DIPK1A: variants seen among roughly 807,000 people sequenced by gnomAD.
DIPK1A encodes divergent protein kinase domain 1A, also known as family with sequence similarity 69 member A.
Under a neutral mutation model 40.8 loss-of-function variants are expected in DIPK1A, and 27 were observed. The observed-to-expected ratio is 0.66, with a 90% confidence interval of 0.49 to 0.91. The LOEUF (loss-of-function observed/expected upper bound fraction) is 0.91. DIPK1A is among the 40% of genes least tolerant of loss of function. The pLI is 0.00. For missense variants in DIPK1A, 412 were observed against 505.7 expected, an observed-to-expected ratio of 0.81 and a Z score of 1.78; for synonymous variants, 166 against 171.3, an observed-to-expected ratio of 0.97 and a Z score of 0.24.
chr1:92,841,728 G>A (rs201107238), downstream of DIPK1A: 506 of 1,345,286 alleles, frequency 3.8e-4, 2 homozygotes, highest in African/African-American at 6.7e-3. Flanking sequence ...ATTCTCTTCA[G>A]TTATAGTTTA....
chr1:92,840,600 T>C, downstream of DIPK1A: 1 of 1,612,540 alleles, frequency 6.2e-7, no homozygotes, highest in Non-Finnish European at 8.5e-7. Context: ...GAGAATCCAG[T>C]CTATGAAAAG....
chr1:92,847,218 G>T lies in DIPK1A; in HGVS notation c.439C>A (p.Gln147Lys). 1.3e-6 allele frequency: 2 copies of T among 1,590,908 alleles called. No homozygotes were observed. The highest frequency in any genetic ancestry group is 2.3e-5 in the South Asian group (2 of 87,758). Residue 147 changes from glutamine (Q) to lysine (K), a missense_variant, in exon 4 of 5, where the codon CAA becomes AAA. Coordinates refer to ENST00000370310, the MANE Select transcript of DIPK1A (RefSeq NM_001006605.5). The stretch of plus-strand genomic sequence containing the variant: ...CTATAGACCATTTCTTTAAATTTTT[G>T]TACAGTAGTTCCTCTAGTTGGCTTA... The part of the protein sequence containing the change: ...FDKPTRGTTV[Q>K]KFKEMVYSLF...
At chr1:92,932,820 G>C (rs1352178257) in intron 1 of DIPK1A, 2 of 152,286 alleles carry the variant, frequency 1.3e-5, no homozygotes, top group African/African-American at 4.8e-5. Context: ...AGGATTTTTA[G>C]GGCAGTGAAA....
At chr1:92,855,082 C>G (rs1687938817) in intron 2 of DIPK1A, among the ~76,000 whole-genome samples, 1 of 151,746 alleles carries the variant, frequency 6.6e-6, no homozygotes, top group African/African-American at 2.4e-5. Context: ...AAAAAAAGAC[C>G]AAAAAACTGT....
rs1421518354 is a variant in DIPK1A at position 92,843,543 on chromosome 1, C to T, written c.1127G>A (p.Arg376His). ...ACQLLKDYLL[R>H]GAPSEIREEL... is the part of the protein sequence containing the mutation. The stretch of plus-strand genomic sequence containing the variant: ...TTCACGAATTTCACTTGGAGCACCA[C>T]GCAGTAGGTAGTCTTTGAGTAACTG... Residue 376 changes from arginine (R) to histidine (H), a missense_variant, in exon 5 of 5, where the codon CGT becomes CAT. Physicochemically the swap from Arg to His is conservative, Grantham distance 29. Transcript: ENST00000370310. The T allele has an allele frequency of 7.7e-6, 12 of 1,551,948 alleles. No homozygotes were observed. In the East Asian group the frequency reaches 9.8e-5, roughly 13 times the overall value.
intron 1 of DIPK1A, among the ~76,000 whole-genome samples, chr1:92,918,392 G>A (rs1021602269): frequency 1.3e-5 from 2 of 152,100 alleles, no homozygotes; most frequent in Non-Finnish European, 2.9e-5. Flanking sequence ...CAGGTGATGC[G>A]CCTGCCTCAG....
intron 1 of DIPK1A, among the ~76,000 whole-genome samples, chr1:92,960,900 C>A (rs568219671): frequency 1.1e-4 from 16 of 152,286 alleles, no homozygotes; most frequent in African/African-American, 3.8e-4. Context: ...CGGAGGAATG[C>A]TACACCACCT....
At chr1:92,915,409 G>A (rs4847224) in intron 1 of DIPK1A, among the ~76,000 whole-genome samples, 146,563 of 152,298 alleles carry the variant, frequency 0.96, 70,670 homozygotes, top group East Asian at 1. Context: ...TCTATAAAAT[G>A]TAATTAAAAT....
At position 92,864,968 on chromosome 1, in the gene DIPK1A, G is replaced by A. The variant is rs568446318; in HGVS notation, c.189+11328C>T. Among the ~76,000 whole-genome samples the A allele has an allele frequency of 1.3e-3, 196 of 146,632 alleles. 1 individual carries two copies. The highest frequency in any genetic ancestry group is 4.8e-3 in the African/African-American group (189 of 39,650). ...GAGGCAAGAGAATTGCTTGAACCCA[G>A]GAGGCAGAGGTTGCAATGAGCTGAG... On this transcript the variant is annotated intron_variant, in intron 2 of 4. Transcript: ENST00000370310.
chr1:92,896,539 A>C (rs1455522778), intron 1 of DIPK1A, among the ~76,000 whole-genome samples: 2 of 151,414 alleles, frequency 1.3e-5, no homozygotes, highest in Admixed American at 6.6e-5. Context: ...TTAGACCTAA[A>C]ACCATAAAAA....
chr1:92,926,733 G>C (rs1197310502), intron 1 of DIPK1A, among the ~76,000 whole-genome samples: 1 of 152,150 alleles, frequency 6.6e-6, no homozygotes, highest in East Asian at 1.9e-4. Context: ...GATATATTGA[G>C]TTTTTAAAAT....
chr1:92,881,172 C>CAAAA (rs71094212), intron 1 of DIPK1A, among the ~76,000 whole-genome samples: 12 of 50,696 alleles, frequency 2.4e-4, no homozygotes, highest in East Asian at 1.3e-3. Context: ...GACTCGGTCT[C>CAAAA]AAAAAAAAAA....
intron 2 of DIPK1A, among the ~76,000 whole-genome samples, chr1:92,874,121 T>G (rs1209003853): frequency 1.3e-5 from 2 of 152,226 alleles, no homozygotes; most frequent in Non-Finnish European, 2.9e-5. Flanking sequence ...AAATAACCAT[T>G]AAATTATGCT....
intron 1 of DIPK1A, among the ~76,000 whole-genome samples, chr1:92,960,788 G>A (rs1026353705): frequency 6.6e-6 from 1 of 152,220 alleles, no homozygotes; most frequent in Non-Finnish European, 1.5e-5. Flanking sequence ...AATCTTGGGT[G>A]TGATGGAACG....
rs571799876 is a variant in DIPK1A, at chr1:92,845,373, A to G, written c.475-1178T>C. 388 of 165,590 alleles carry G rather than the reference A, an allele frequency of 2.3e-3. 1 individual carries two copies. The highest frequency in any genetic ancestry group is 4.3e-3 in the Non-Finnish European group (330 of 77,464). 10.3% of individuals were successfully genotyped at this position (165,590 alleles called of 1,614,324 possible). A position where few individuals can be genotyped will look rare whatever the true frequency, so the allele number is the denominator to read the frequency against. ...GTTTTAGTGACATGTAATAACTACA[A>G]ATTTATGGGATACTGATGGGCACAA... On this transcript the variant is annotated intron_variant, in intron 4 of 4. Transcript: ENST00000370310.
At chr1:92,891,949 G>A (rs945011758) in intron 1 of DIPK1A, among the ~76,000 whole-genome samples, 7 of 151,524 alleles carry the variant, frequency 4.6e-5, no homozygotes, top group South Asian at 2.1e-4. Flanking sequence ...AGGCGGCAGC[G>A]AGGCTGGGGG....
intron 4 of DIPK1A, chr1:92,833,086 A>G (rs1486518472): frequency 9.9e-6 from 7 of 709,934 alleles, no homozygotes; most frequent in Admixed American, 2.0e-5. Flanking sequence ...TTTGAAAGCA[A>G]TATAACAATA....
chr1:92,834,818 G>C, intron 4 of DIPK1A: 1 of 1,612,684 alleles, frequency 6.2e-7, no homozygotes, highest in Non-Finnish European at 8.5e-7. Context: ...GATAGTCTGC[G>C]CAGCGTATGC....
intron 1 of DIPK1A, among the ~76,000 whole-genome samples, chr1:92,945,321 G>A (rs371153144): frequency 4.6e-5 from 7 of 152,012 alleles, no homozygotes; most frequent in African/African-American, 1.2e-4. Context: ...AAGACAAATA[G>A]CATTAAAAAG....
Sources: allele counts gnomAD v4.1 joint callset (sites outside exome capture counted in the v4.1 genomes callset), GRCh38; gene constraint gnomAD v4.1.1; transcripts MANE v1.5; gene names NCBI Gene and HGNC (gene_info 2026-07-23, HGNC 2026-07-21).